CPS1: variants seen among roughly 807,000 people sequenced by gnomAD.
The protein encoded by CPS1 is carbamoyl-phosphate synthase [ammonia], mitochondrial.
In CPS1, 109 loss-of-function variants were observed where a neutral mutation model predicts 174.6. The ratio of observed to expected loss-of-function variants is 0.62; its 90% CI spans 0.53 to 0.73. The LOEUF (loss-of-function observed/expected upper bound fraction) is 0.73, where lower values mean the gene tolerates loss of function less well. Ranked by LOEUF, CPS1 falls within the 30% of genes least tolerant of loss-of-function variation. The pLI is 0.00. For missense variants in CPS1, 1,689 were observed against 1,821.9 expected (o/e 0.93, Z 1.33); for synonymous variants, 637 against 632.0 (o/e 1.01, Z -0.12).
At chr2:210,570,910 A>G (rs569922812) in intron 1 of CPS1, among the ~76,000 whole-genome samples, 1 of 152,096 alleles carries the variant, frequency 6.6e-6, no homozygotes, top group East Asian at 1.9e-4. Context: ...CATAGCTTAT[A>G]ATAATCTTTA....
intron 1 of CPS1, among the ~76,000 whole-genome samples, chr2:210,543,213 A>G (rs909717327): frequency 1.3e-5 from 2 of 152,160 alleles, no homozygotes; most frequent in East Asian, 1.9e-4. Context: ...GCATCTCTAT[A>G]CAGCAATTAA....
chr2:210,622,459 G>C (rs1309551666), intron 21 of CPS1, among the ~76,000 whole-genome samples: 1 of 151,592 alleles, frequency 6.6e-6, no homozygotes, highest in East Asian at 1.9e-4. Context: ...ATAACATCTA[G>C]AGGAAATAAG....
chr2:210,555,735 A>G, upstream of CPS1: 1 of 449,244 alleles, frequency 2.2e-6, no homozygotes, highest in Non-Finnish European at 4.5e-6. Context: ...TGTTCTACAT[A>G]GTCATGTGAC....
At chr2:210,553,059 C>A (rs1258625391), upstream of CPS1, among the ~76,000 whole-genome samples, 2 of 151,664 alleles carry the variant, frequency 1.3e-5, no homozygotes, top group Non-Finnish European at 2.9e-5. Flanking sequence ...TCAAATATGG[C>A]AATATTGACA....
chr2:210,573,621 A>C (rs1697590573), intron 2 of CPS1, among the ~76,000 whole-genome samples: 1 of 152,082 alleles, frequency 6.6e-6, no homozygotes, highest in African/African-American at 2.4e-5. Flanking sequence ...CAACATGGGC[A>C]CACTGGTGGT....
At chr2:210,576,551 T>G in intron 3 of CPS1, 61 bp downstream of exon 3, 1 of 1,598,916 alleles carries the variant, frequency 6.3e-7, no homozygotes, top group South Asian at 1.1e-5. Context: ...TGACTTATTC[T>G]TAAGAATTAG....
chr2:210,599,469 C>T lies in CPS1; in HGVS notation c.1457C>T (p.Pro486Leu). ...CAAGCGGATACTGTCTACTTTCTTCCCATCACCCCTCAGTTTGTCACAGAG... is the reference window on the plus strand; with the variant it reads ...CAAGCGGATACTGTCTACTTTCTTCTCATCACCCCTCAGTTTGTCACAGAG... ...LKQADTVYFL[P>L]ITPQFVTEVI... Residue 486 changes from proline to leucine, a missense_variant, in exon 14 of 38, where the codon CCC (proline) becomes CTC (leucine). Physicochemically the swap from Pro to Leu is moderately conservative, Grantham distance 98. Coordinates refer to ENST00000233072, the MANE Select transcript of CPS1 (RefSeq NM_001875.5). The T allele has an allele frequency of 1.2e-6, 2 of 1,612,592 alleles. No homozygotes were observed. Among genetic ancestry groups the T allele is most frequent in the Non-Finnish European group, 1.7e-6 (2 of 1,179,072 alleles).
intron 7 of CPS1, among the ~76,000 whole-genome samples, chr2:210,589,027 T>C (rs1030774338): frequency 4.6e-5 from 7 of 151,990 alleles, no homozygotes; most frequent in African/African-American, 1.7e-4. Flanking sequence ...AGGCAGTAAA[T>C]GGCATAGAAT....
intron 20 of CPS1, among the ~76,000 whole-genome samples, chr2:210,614,378 A>G (rs181292599): frequency 1.3e-4 from 20 of 151,936 alleles, no homozygotes; most frequent in Middle Eastern, 3.4e-3. Flanking sequence ...ATGTGTCTCT[A>G]TAGTAGAATG....
Position 210,577,459 on chromosome 2 carries a change from C to T in CPS1, c.420C>T (p.Tyr140=), listed in dbSNP as rs772576138. The T allele has an allele frequency of 6.2e-6, 10 of 1,613,738 alleles. No individual in the cohort carries two copies. The highest frequency in any genetic ancestry group is 7.6e-6 in the Non-Finnish European group (9 of 1,179,880). Residue 140 remains tyrosine, a synonymous_variant, in exon 4 of 38, where the codon TAC becomes TAT. Coordinates refer to ENST00000233072, the MANE Select transcript of CPS1 (RefSeq NM_001875.5). ...TGGTGCTGGATTATAGTAAAGACTA[C>T]AACCACTGGCTGGCTACCAAGAGTT... ...GLLVLDYSKD[Y]NHWLATKSLG...
At chr2:210,586,078 T>C (rs535006320) in intron 6 of CPS1, among the ~76,000 whole-genome samples, 16 of 151,972 alleles carry the variant, frequency 1.1e-4, no homozygotes, top group Middle Eastern at 6.8e-3. Flanking sequence ...GTCTGATCAG[T>C]AACATGTAAG....
intron 1 of CPS1, among the ~76,000 whole-genome samples, chr2:210,509,726 T>C (rs568031668): frequency 7.7e-4 from 117 of 152,172 alleles, no homozygotes; most frequent in Admixed American, 1.2e-3. Context: ...AGCATTCTTA[T>C]ACCATTAGCA....
chr2:210,672,786 A>G (rs1352173282), intron 34 of CPS1: 1 of 152,186 alleles, frequency 6.6e-6, no homozygotes. Context: ...ATGAATAACC[A>G]CTGAGCCTGC....
At chr2:210,563,661 A>G (rs1697182970) in intron 1 of CPS1, among the ~76,000 whole-genome samples, 1 of 152,244 alleles carries the variant, frequency 6.6e-6, no homozygotes. Flanking sequence ...TTGTGAAACA[A>G]TACATGAGCA....
At chr2:210,478,057 G>A (rs768686510) in intron 1 of CPS1, among the ~76,000 whole-genome samples, 7 of 152,092 alleles carry the variant, frequency 4.6e-5, no homozygotes, top group Admixed American at 3.3e-4. Flanking sequence ...TAATATTCTT[G>A]GAACATGTGC....
At chr2:210,649,083 A>C (rs1285154385) in intron 27 of CPS1, among the ~76,000 whole-genome samples, 1 of 152,238 alleles carries the variant, frequency 6.6e-6, no homozygotes, top group Non-Finnish European at 1.5e-5. Context: ...TACTTTCTTC[A>C]GATGTTACCA....
At chr2:210,497,284 A>G (rs948946341) in intron 1 of CPS1, among the ~76,000 whole-genome samples, 2 of 152,224 alleles carry the variant, frequency 1.3e-5, no homozygotes, top group Non-Finnish European at 2.9e-5. Flanking sequence ...TTGTGCATAT[A>G]GAACATGTTA....
intron 22 of CPS1, among the ~76,000 whole-genome samples, chr2:210,638,106 A>G (rs1700094262): frequency 6.6e-6 from 1 of 152,196 alleles, no homozygotes; most frequent in Non-Finnish European, 1.5e-5. Flanking sequence ...ACAAAACAAA[A>G]CAAAAATTTA....
chr2:210,614,274 AT>A (rs373329147), intron 20 of CPS1, among the ~76,000 whole-genome samples: 1,830 of 146,922 alleles, frequency 0.012, 43 homozygotes, highest in African/African-American at 0.042. Context: ...GAAATCATGG[AT>A]TTTTTTTTTT....
Sources: gnomAD v4.1 joint callset for allele counts (sites outside exome capture counted in the v4.1 genomes callset) on GRCh38, gnomAD v4.1.1 for gene constraint, MANE v1.5 for transcripts, NCBI Gene and HGNC (gene_info 2026-07-23, HGNC 2026-07-21) for gene names.